MTA3: variants seen among roughly 807,000 people sequenced by gnomAD.
The protein encoded by MTA3 is metastasis-associated protein MTA3.
Under a neutral mutation model 83.5 loss-of-function variants are expected in MTA3, and 34 were observed. The ratio of observed to expected loss-of-function variants is 0.41; its 90% CI spans 0.31 to 0.54. The LOEUF (loss-of-function observed/expected upper bound fraction) is 0.54, where lower values mean the gene tolerates loss of function less well. Ranked by LOEUF, MTA3 falls within the 20% of genes least tolerant of loss-of-function variation. The probability of loss-of-function intolerance (pLI) is 0.33; values close to 1 mark genes in which losing one functional copy is unlikely to be tolerated. For synonymous variants in MTA3, 303 were observed against 252.7 expected (o/e 1.20, Z -1.89); for missense variants, 761 against 726.4 (o/e 1.05, Z -0.55).
In MTA3 at chr2:42,754,404, G is replaced by C; in HGVS notation, c.*1005G>C. On this transcript the variant is annotated 3_prime_UTR_variant, in exon 17 of 17. Coordinates refer to ENST00000405094, the MANE Select transcript of MTA3 (RefSeq NM_001330442.2). ...ACCCCTCCAGCCCAACATCTTGTGAGCACATGTGACCTAGGCCCCGGGGGA... is the reference window on the plus strand; with the variant it reads ...ACCCCTCCAGCCCAACATCTTGTGACCACATGTGACCTAGGCCCCGGGGGA... 3 of 985,480 alleles carry C rather than the reference G, an allele frequency of 3.0e-6. No individual in the cohort carries two copies. The highest frequency in any genetic ancestry group is 3.6e-6 in the Non-Finnish European group (3 of 830,034). The allele number at this position is 985,480 out of a possible 1,614,324, so 61.0% of individuals were successfully genotyped here.
chr2:42,664,016 T>G (rs1278074276), intron 8 of MTA3, among the ~76,000 whole-genome samples: 5 of 152,190 alleles, frequency 3.3e-5, no homozygotes, highest in Non-Finnish European at 5.9e-5. Context: ...GTTTCAGAGA[T>G]AGGGTTTGGA....
intron 2 of MTA3, among the ~76,000 whole-genome samples, chr2:42,530,040 C>T (rs1234880882): frequency 6.6e-6 from 1 of 151,362 alleles, no homozygotes; most frequent in Non-Finnish European, 1.5e-5. Flanking sequence ...CAAAAATTAG[C>T]CGGGCGTGGT....
At chr2:42,695,016 A>G (rs1693248663) in intron 9 of MTA3, among the ~76,000 whole-genome samples, 1 of 152,098 alleles carries the variant, frequency 6.6e-6, no homozygotes, top group Admixed American at 6.5e-5. Flanking sequence ...TGTCACACCT[A>G]TAGTCCCAGC....
At chr2:42,642,569 T>A (rs538629564) in intron 5 of MTA3, among the ~76,000 whole-genome samples, 2 of 152,024 alleles carry the variant, frequency 1.3e-5, no homozygotes, top group South Asian at 4.2e-4. Flanking sequence ...TTATTACTCA[T>A]GTCTGTAAAG....
intron 8 of MTA3, among the ~76,000 whole-genome samples, chr2:42,674,818 T>G (rs1691185710): frequency 6.6e-6 from 1 of 151,834 alleles, no homozygotes; most frequent in Non-Finnish European, 1.5e-5. Context: ...AGGATGGTCT[T>G]GATCTCTTGA....
chr2:42,737,536 T>C (rs1323975246), intron 16 of MTA3, among the ~76,000 whole-genome samples: 1 of 152,164 alleles, frequency 6.6e-6, no homozygotes, highest in Non-Finnish European at 1.5e-5. Flanking sequence ...TGATTTTTGG[T>C]TCTTATGAAG....
intron 14 of MTA3, among the ~76,000 whole-genome samples, chr2:42,714,452 A>G (rs1666881167): frequency 6.6e-6 from 1 of 152,098 alleles, no homozygotes; most frequent in African/African-American, 2.4e-5. Context: ...CTAGAAGCAA[A>G]CTCTACTGAT....
intron 2 of MTA3, among the ~76,000 whole-genome samples, chr2:42,517,013 A>C (rs1675173761): frequency 6.6e-6 from 1 of 152,142 alleles, no homozygotes; most frequent in Admixed American, 6.5e-5. Flanking sequence ...TAAACCCAGC[A>C]CTTTGGGAGG....
chr2:42,623,440 C>T (rs1685767158), intron 4 of MTA3, among the ~76,000 whole-genome samples: 1 of 152,196 alleles, frequency 6.6e-6, no homozygotes, highest in Non-Finnish European at 1.5e-5. Context: ...AAGCTTATGT[C>T]ACGCCGCTGT....
intron 2 of MTA3, among the ~76,000 whole-genome samples, chr2:42,514,441 G>C (rs1261348270): frequency 6.6e-6 from 1 of 152,058 alleles, no homozygotes; most frequent in Non-Finnish European, 1.5e-5. Context: ...GAGTGCAGGG[G>C]CACTGTCTTG....
intron 2 of MTA3, 121 bp from the exon 3 acceptor site, chr2:42,578,986 T>C (rs887090363): frequency 1.7e-6 from 1 of 601,166 alleles, no homozygotes; most frequent in Admixed American, 3.7e-5. Context: ...TATCCTGCAG[T>C]TGTGGTTGGC....
intron 2 of MTA3, among the ~76,000 whole-genome samples, chr2:42,549,205 ATATAT>A (rs1314579834): frequency 1.5e-5 from 2 of 136,722 alleles, no homozygotes; most frequent in Admixed American, 8.7e-5. Flanking sequence ...TATGTATATA[ATATAT>A]TATATTTGTA....
At chr2:42,633,125 T>TG (rs1686844898) in intron 4 of MTA3, among the ~76,000 whole-genome samples, 2 of 151,736 alleles carry the variant, frequency 1.3e-5, no homozygotes, top group African/African-American at 4.8e-5. Context: ...TAGCTGGGTA[T>TG]GGGGGTGCAT....
chr2:42,691,304 C>T (rs931030820), intron 9 of MTA3, among the ~76,000 whole-genome samples: 22 of 152,120 alleles, frequency 1.4e-4, no homozygotes, highest in Non-Finnish European at 2.2e-4. Context: ...GCCACCACAC[C>T]GCGGCCTATG....
intron 4 of MTA3, 33 bp downstream of exon 4, chr2:42,609,617 A>G (rs769126680): frequency 6.4e-7 from 1 of 1,568,352 alleles, no homozygotes; most frequent in African/African-American, 1.4e-5. Context: ...GGTACTCAGT[A>G]CTACGGTGAC....
chr2:42,554,622 G>A (rs534345867), intron 2 of MTA3, among the ~76,000 whole-genome samples: 2 of 152,270 alleles, frequency 1.3e-5, no homozygotes, highest in South Asian at 4.1e-4. Context: ...AAACAGCAGG[G>A]AAAGCCAGCC....
At chr2:42,647,737 A>G (rs2104330046) in intron 6 of MTA3, among the ~76,000 whole-genome samples, 1 of 152,368 alleles carries the variant, frequency 6.6e-6, no homozygotes, top group East Asian at 1.9e-4. Flanking sequence ...TCATAAATGT[A>G]GAAGCCATTT....
chr2:42,556,059 G>T (rs914255256), intron 2 of MTA3, among the ~76,000 whole-genome samples: 24 of 151,374 alleles, frequency 1.6e-4, no homozygotes, highest in Non-Finnish European at 2.8e-4. Flanking sequence ...GCGACAGAGC[G>T]AGACTCTGTC....
intron 16 of MTA3, among the ~76,000 whole-genome samples, chr2:42,727,358 G>C (rs151139142): frequency 6.6e-6 from 1 of 152,104 alleles, no homozygotes; most frequent in African/African-American, 2.4e-5. Context: ...CTAGGATGTC[G>C]GTCCAGCAGT....
Sources: gnomAD v4.1 joint callset for allele counts (sites outside exome capture counted in the v4.1 genomes callset) on GRCh38, gnomAD v4.1.1 for gene constraint, MANE v1.5 for transcripts, NCBI Gene and HGNC (gene_info 2026-07-23, HGNC 2026-07-21) for gene names.